The following GSE1 variants were observed in gnomAD, a reference collection of about 807,000 sequenced individuals.
The protein encoded by GSE1 is genetic suppressor element 1.
GSE1 carries 32 observed loss-of-function variants against 112.6 expected under a neutral mutation model. That is an observed-to-expected ratio of 0.28 (90% CI 0.21 to 0.38). The LOEUF is 0.38. GSE1 is among the 10% of genes least tolerant of loss of function. The probability of loss-of-function intolerance (pLI) is 1.00; values close to 1 mark genes in which losing one functional copy is unlikely to be tolerated. For synonymous variants in GSE1, 1,115 were observed against 735.6 expected (o/e 1.52, Z -8.35); for missense variants, 2,348 against 1,699.2 (o/e 1.38, Z -6.71).
At chr16:85,588,715 C>T (rs1049493358) in intron 1 of GSE1, among the ~76,000 whole-genome samples, 2 of 152,166 alleles carry the variant, frequency 1.3e-5, no homozygotes, top group African/African-American at 2.4e-5. Flanking sequence ...GGGCAGGCGG[C>T]GAAATCTGCC....
At chr16:85,623,215 CTTTTT>C (rs34549947) in intron 1 of GSE1, among the ~76,000 whole-genome samples, 6 of 139,928 alleles carry the variant, frequency 4.3e-5, no homozygotes, top group African/African-American at 1.3e-4. Context: ...TTGTCCACTC[CTTTTT>C]TTTTTTTTTT....
chr16:85,222,339 C>T (rs538507998), intron 1 of GSE1, among the ~76,000 whole-genome samples: 12 of 152,360 alleles, frequency 7.9e-5, no homozygotes, highest in Admixed American at 3.9e-4. Flanking sequence ...AGGCAGGCCT[C>T]GGCATTGGTG....
chr16:85,662,380 C>T (rs1567751204), intron 9 of GSE1: 1 of 153,898 alleles, frequency 6.5e-6, no homozygotes, highest in Non-Finnish European at 1.4e-5. Context: ...GCTGAACACT[C>T]AGGTCCTGTC....
chr16:85,246,239 G>A (rs186126874), intron 1 of GSE1, among the ~76,000 whole-genome samples: 3,435 of 45,040 alleles, frequency 0.076, 80 homozygotes, highest in African/African-American at 0.13. Flanking sequence ...ACACACACAC[G>A]CACACCACAC....
At chr16:85,296,614 ACAAAAAC>A (rs1370971855) in intron 1 of GSE1, among the ~76,000 whole-genome samples, 8 of 152,140 alleles carry the variant, frequency 5.3e-5, no homozygotes, top group Non-Finnish European at 8.8e-5. Context: ...CTCCAAACAA[ACAAAAAC>A]CAAAAACAAA....
chr16:85,327,259 A>G (rs2046245285), intron 1 of GSE1, among the ~76,000 whole-genome samples: 2 of 152,234 alleles, frequency 1.3e-5, no homozygotes, highest in African/African-American at 2.4e-5. Context: ...TAGCAGATGC[A>G]GACACAGAGC....
intron 1 of GSE1, among the ~76,000 whole-genome samples, chr16:85,240,749 G>T (rs1056010549): frequency 1.3e-5 from 2 of 152,200 alleles, no homozygotes; most frequent in East Asian, 1.9e-4. Flanking sequence ...GACAGTTGAG[G>T]GTGTCAGAAT....
At chr16:85,474,123 G>A (rs889646897) in intron 2 of GSE1, among the ~76,000 whole-genome samples, 3 of 152,108 alleles carry the variant, frequency 2.0e-5, no homozygotes, top group South Asian at 2.1e-4. Flanking sequence ...GGGTTGAGGC[G>A]GAAGCAGGGA....
rs537743944 is a variant in GSE1 at position 85,497,055 on chromosome 16, C to T, written c.2465-136859C>T. ...CTGGGATCACAGGCACGTGCCACCA[C>T]GCCCCGCTAAGTTTTGTATTTTTAG... On this transcript the variant is annotated intron_variant, in intron 2 of 2. Transcript: ENST00000637419. 5.9e-5 allele frequency among the ~76,000 whole-genome samples: 9 copies of T among 152,266 alleles called. No homozygotes were observed. In the South Asian group the frequency reaches 1.5e-3, roughly 25 times the overall value.
intron 1 of GSE1, among the ~76,000 whole-genome samples, chr16:85,627,963 G>C (rs1272079558): frequency 6.6e-6 from 1 of 152,226 alleles, no homozygotes; most frequent in African/African-American, 2.4e-5. Context: ...GTCTCCCTGG[G>C]GAGGGCTGGG....
intron 2 of GSE1, among the ~76,000 whole-genome samples, chr16:85,637,486 T>C (rs1040648158): frequency 1.3e-5 from 2 of 151,024 alleles, no homozygotes; most frequent in African/African-American, 2.4e-5. Flanking sequence ...CAGCAGTGGC[T>C]ATGTATCGAG....
rs186067251 is a variant in GSE1 at position 85,460,480 on chromosome 16, A to G, written c.2464+102837A>G. ...CATTATCTTGCTAATCTGCTAGACA[A>G]TGGGAAGAAAGCACTTGGCAAAATG... On this transcript the variant is annotated intron_variant, in intron 2 of 2. Transcript: ENST00000637419. Among the ~76,000 whole-genome samples the G allele has an allele frequency of 1.1e-4, 17 of 152,376 alleles. No individual in the cohort carries two copies. The East Asian group carries it at 2.9e-3, about 26-fold the overall frequency.
At chr16:85,489,086 C>T (rs1218054740) in intron 2 of GSE1, among the ~76,000 whole-genome samples, 1 of 152,188 alleles carries the variant, frequency 6.6e-6, no homozygotes, top group Admixed American at 6.5e-5. Context: ...TCCATGTCTG[C>T]AGCGTCCCGT....
rs2053663679 is a variant in GSE1, at chr16:85,676,183, T to C, written c.*3644T>C. ...GTAATTTCTGACAACATCCAAAAAA[T>C]AAAATCTTCCTAAATTATGTTAAGA... On this transcript the variant is annotated 3_prime_UTR_variant, in exon 16 of 16. Transcript: ENST00000253458. 1 of 152,664 alleles carries C rather than the reference T, an allele frequency of 6.6e-6. No homozygotes were observed. The highest frequency in any genetic ancestry group is 6.5e-5 in the Admixed American group (1 of 15,286). The allele number at this position is 152,664 out of a possible 1,614,324, so 9.5% of individuals were successfully genotyped here. A position where few individuals can be genotyped will look rare whatever the true frequency, so the allele number is the denominator to read the frequency against.
intron 1 of GSE1, among the ~76,000 whole-genome samples, chr16:85,185,872 G>A (rs1316455944): frequency 2.6e-5 from 4 of 152,240 alleles, no homozygotes; most frequent in Non-Finnish European, 5.9e-5. Context: ...GGCTGGGAGG[G>A]CCGTTGTCTA....
intron 2 of GSE1, chr16:85,462,995 A>G (rs2050016628): frequency 2.1e-6 from 1 of 487,168 alleles, no homozygotes; most frequent in African/African-American, 2.1e-5. Context: ...CCGCCCCGTG[A>G]CGCCCCTACT....
At chr16:85,205,196 C>G (rs1451896560) in intron 1 of GSE1, among the ~76,000 whole-genome samples, 1 of 152,126 alleles carries the variant, frequency 6.6e-6, no homozygotes, top group Non-Finnish European at 1.5e-5. Context: ...GTGGCATGAT[C>G]TCGGCTCACT....
chr16:85,568,898 C>T (rs574466003), intron 1 of GSE1, among the ~76,000 whole-genome samples: 8 of 152,274 alleles, frequency 5.3e-5, no homozygotes, highest in Non-Finnish European at 1.0e-4. Flanking sequence ...CAGAAGGAGC[C>T]GGAAGCTCCC....
chr16:85,446,513 G>A (rs969022525), intron 2 of GSE1, among the ~76,000 whole-genome samples: 5 of 152,322 alleles, frequency 3.3e-5, no homozygotes, highest in East Asian at 3.9e-4. Context: ...AGGAGCCCCC[G>A]GTGGGCCCAG....
Sources: allele counts gnomAD v4.1 joint callset (sites outside exome capture counted in the v4.1 genomes callset), GRCh38; gene constraint gnomAD v4.1.1; transcripts MANE v1.5; gene names NCBI Gene and HGNC (gene_info 2026-07-23, HGNC 2026-07-21).